LMX1A: variants seen among roughly 807,000 people sequenced by gnomAD.
LMX1A encodes LIM homeobox transcription factor 1-alpha.
Under a neutral mutation model 49.1 loss-of-function variants are expected in LMX1A, and 15 were observed. That is an observed-to-expected ratio of 0.31 (90% CI 0.20 to 0.47). LMX1A has a LOEUF of 0.47. Among genes scored for constraint, LMX1A ranks in the 20% least tolerant of loss-of-function variants. LMX1A has a pLI of 1.00. For synonymous variants in LMX1A, 167 were observed against 185.7 expected, an observed-to-expected ratio of 0.90 and a Z score of 0.82; for missense variants, 372 against 475.8, an observed-to-expected ratio of 0.78 and a Z score of 2.03.
At chr1:165,318,291 G>A (rs147965031) in intron 3 of LMX1A, among the ~76,000 whole-genome samples, 5 of 152,222 alleles carry the variant, frequency 3.3e-5, no homozygotes, top group East Asian at 1.9e-4. Flanking sequence ...AATGAAAATC[G>A]GAGTCCTTCC....
intron 3 of LMX1A, among the ~76,000 whole-genome samples, chr1:165,330,765 G>A (rs1004318845): frequency 1.3e-5 from 2 of 152,146 alleles, no homozygotes; most frequent in East Asian, 1.9e-4. Flanking sequence ...CCAGGGCACC[G>A]AATCTGGGGT....
At chr1:165,285,754 C>T (rs906278359) in intron 3 of LMX1A, among the ~76,000 whole-genome samples, 7 of 152,170 alleles carry the variant, frequency 4.6e-5, no homozygotes, top group African/African-American at 1.4e-4. Context: ...CTAAGGAAAG[C>T]GTGTAAGCTT....
intron 3 of LMX1A, among the ~76,000 whole-genome samples, chr1:165,280,440 A>C (rs1168571324): frequency 1.3e-5 from 2 of 152,114 alleles, no homozygotes; most frequent in Non-Finnish European, 2.9e-5. Flanking sequence ...CTGACTTCTT[A>C]AAGATGAAGG....
intron 3 of LMX1A, among the ~76,000 whole-genome samples, chr1:165,278,269 A>G (rs1654029642): frequency 6.6e-6 from 1 of 152,200 alleles, no homozygotes; most frequent in Non-Finnish European, 1.5e-5. Flanking sequence ...ACTGTCATGA[A>G]GACATCTTGC....
chr1:165,205,012 G>C (rs1651017254), intron 8 of LMX1A, among the ~76,000 whole-genome samples: 1 of 151,160 alleles, frequency 6.6e-6, no homozygotes, highest in Non-Finnish European at 1.5e-5. Flanking sequence ...TTTTCATGAA[G>C]GCAAAAAAAA....
intron 3 of LMX1A, among the ~76,000 whole-genome samples, chr1:165,272,745 G>T (rs16841916): frequency 0.022 from 3,357 of 152,192 alleles, 101 homozygotes; most frequent in African/African-American, 0.071. Context: ...AGCAGTCAGG[G>T]TGGTTTGCTA....
rs79470076 is a variant in LMX1A at position 165,220,828 on chromosome 1, G to A, written c.497-7015C>T. 1.8e-4 allele frequency among the ~76,000 whole-genome samples: 27 copies of A among 152,262 alleles called. No individual in the cohort carries two copies. In the East Asian group the frequency reaches 3.5e-3, roughly 20 times the overall value. On this transcript the variant is annotated intron_variant, in intron 4 of 8. Coordinates refer to ENST00000342310, the MANE Select transcript of LMX1A (RefSeq NM_177398.4). ...GGAGTGGTGGAAAGTAACTTTGACC[G>A]TAAAATAGGAGACCTGGATCCTAGT...
chr1:165,243,839 G>C (rs944901709), intron 4 of LMX1A, among the ~76,000 whole-genome samples: 2 of 152,196 alleles, frequency 1.3e-5, no homozygotes, highest in African/African-American at 4.8e-5. Flanking sequence ...CTAGTTTCTT[G>C]ACAAAAAGCT....
intron 3 of LMX1A, among the ~76,000 whole-genome samples, chr1:165,310,918 C>T (rs1441572427): frequency 6.6e-6 from 1 of 152,196 alleles, no homozygotes; most frequent in African/African-American, 2.4e-5. Flanking sequence ...TGATCATCCA[C>T]AGGACAATTA....
chr1:165,259,520 G>A (rs755311789), intron 3 of LMX1A, among the ~76,000 whole-genome samples: 27 of 152,260 alleles, frequency 1.8e-4, no homozygotes, highest in East Asian at 1.2e-3. Context: ...TCTTACAGAG[G>A]CTGCTGACTA....
chr1:165,319,956 T>C (rs1052748658), intron 3 of LMX1A, among the ~76,000 whole-genome samples: 1 of 152,234 alleles, frequency 6.6e-6, no homozygotes, highest in Non-Finnish European at 1.5e-5. Context: ...ACCAGCTTTG[T>C]CAGGGTTATA....
At chr1:165,297,731 C>T (rs555710320) in intron 3 of LMX1A, among the ~76,000 whole-genome samples, 6 of 152,156 alleles carry the variant, frequency 3.9e-5, no homozygotes, top group Non-Finnish European at 7.3e-5. Flanking sequence ...CCTCCACAAC[C>T]AGCCTCCAGG....
chr1:165,267,365 A>AT (rs774509259), intron 3 of LMX1A, among the ~76,000 whole-genome samples: 2 of 152,260 alleles, frequency 1.3e-5, no homozygotes, highest in South Asian at 4.1e-4. Flanking sequence ...TCAATACTCC[A>AT]TTTTTTTATG....
intron 3 of LMX1A, among the ~76,000 whole-genome samples, chr1:165,338,860 C>T (rs1279077415): frequency 6.6e-6 from 1 of 152,206 alleles, no homozygotes; most frequent in African/African-American, 2.4e-5. Flanking sequence ...CCCTTATGAC[C>T]TTGTCACTGT....
At chr1:165,282,186 TAAATCCC>T (rs994016163) in intron 3 of LMX1A, among the ~76,000 whole-genome samples, 1 of 152,176 alleles carries the variant, frequency 6.6e-6, no homozygotes, top group African/African-American at 2.4e-5. Context: ...TATAGCCTGA[TAAATCCC>T]AAATCTCTAT....
At chr1:165,225,079 C>T (rs2102615499) in intron 4 of LMX1A, among the ~76,000 whole-genome samples, 1 of 152,320 alleles carries the variant, frequency 6.6e-6, no homozygotes, top group South Asian at 2.1e-4. Flanking sequence ...AGGTGGACAG[C>T]ACTGTGGAGA....
chr1:165,240,058 A>C (rs1652592024), intron 4 of LMX1A, among the ~76,000 whole-genome samples: 1 of 152,240 alleles, frequency 6.6e-6, no homozygotes, highest in Non-Finnish European at 1.5e-5. Context: ...ACAGTGGGCT[A>C]AAAATAGAAT....
chr1:165,310,992 G>C (rs1339379276), intron 3 of LMX1A, among the ~76,000 whole-genome samples: 2 of 152,160 alleles, frequency 1.3e-5, no homozygotes, highest in African/African-American at 4.8e-5. Flanking sequence ...CCAGATCTGG[G>C]AGTCTATTTC....
intron 8 of LMX1A, among the ~76,000 whole-genome samples, chr1:165,205,093 A>C (rs534147582): frequency 1.3e-5 from 2 of 152,276 alleles, no homozygotes; most frequent in South Asian, 4.1e-4. Context: ...CTTGCTGCAT[A>C]AGATTATTTT....
Sources: gnomAD v4.1 joint callset for allele counts (sites outside exome capture counted in the v4.1 genomes callset) on GRCh38, gnomAD v4.1.1 for gene constraint, MANE v1.5 for transcripts, NCBI Gene and HGNC (gene_info 2026-07-23, HGNC 2026-07-21) for gene names.